The following EVI5 variants were observed in gnomAD, a reference collection of about 807,000 sequenced individuals.
The protein encoded by EVI5 is ecotropic viral integration site 5 protein homolog.
Under a neutral mutation model 112.0 loss-of-function variants are expected in EVI5, and 73 were observed. The ratio of observed to expected loss-of-function variants is 0.65; its 90% CI spans 0.54 to 0.79. EVI5 has a LOEUF of 0.79. Ranked by LOEUF, EVI5 falls within the 30% of genes least tolerant of loss-of-function variation. The probability of loss-of-function intolerance (pLI) is 0.00; values close to 1 mark genes in which losing one functional copy is unlikely to be tolerated. For synonymous variants in EVI5, 305 were observed against 319.9 expected (o/e 0.95, Z 0.50); for missense variants, 900 against 968.8 (o/e 0.93, Z 0.94).
chr1:92,600,401 CTTTG>C (rs1648882302), intron 18 of EVI5, among the ~76,000 whole-genome samples: 1 of 150,044 alleles, frequency 6.7e-6, no homozygotes, highest in Non-Finnish European at 1.5e-5. Context: ...TACAATGTAA[CTTTG>C]TTTTATTAAC....
intron 10 of EVI5, among the ~76,000 whole-genome samples, chr1:92,668,260 G>A (rs559105207): frequency 2.7e-4 from 41 of 152,260 alleles, no homozygotes; most frequent in African/African-American, 9.9e-4. Flanking sequence ...ATGATATACA[G>A]GAAAGTTAAT....
At chr1:92,778,256 G>A (rs149298204) in intron 1 of EVI5, among the ~76,000 whole-genome samples, 21 of 152,154 alleles carry the variant, frequency 1.4e-4, no homozygotes, top group Middle Eastern at 3.4e-3. Flanking sequence ...AGAACAAACC[G>A]GTTTATGCCA....
chr1:92,633,495 C>T (rs879061306), intron 14 of EVI5, among the ~76,000 whole-genome samples: 1 of 151,974 alleles, frequency 6.6e-6, no homozygotes, highest in Non-Finnish European at 1.5e-5. Flanking sequence ...GGATTGCAAC[C>T]CCTGCCTTTT....
intron 18 of EVI5, among the ~76,000 whole-genome samples, chr1:92,574,033 AT>A (rs753975467): frequency 6.6e-6 from 1 of 152,150 alleles, no homozygotes; most frequent in Non-Finnish European, 1.5e-5. Flanking sequence ...TATATAGGTA[AT>A]AGTAAAAAGC....
rs186208439 is a variant in EVI5, at chr1:92,575,090, C to T, written c.2071-11353G>A. Among the ~76,000 whole-genome samples, 282 of 152,268 alleles carry T rather than the reference C, an allele frequency of 1.9e-3. 4 individuals are homozygous for T. The highest frequency in any genetic ancestry group is 0.016 in the Admixed American group (239 of 15,288). On this transcript the variant is annotated intron_variant, in intron 18 of 19. Transcript: ENST00000684568. ...GAGGCAAATATAAAAGCATCGAGTC[C>T]ATTATTTTACAACTTACAAAATTTT...
rs200679678 is a variant in EVI5 at position 92,509,768 on chromosome 1, T to C, written c.*3888A>G. 3.3e-5 allele frequency: 5 copies of C among 152,210 alleles called. No individual in the cohort carries two copies. Among genetic ancestry groups the C allele is most frequent in the African/African-American group, 1.2e-4 (5 of 41,442 alleles). 9.4% of individuals were successfully genotyped at this position (152,210 alleles called of 1,614,324 possible). A position where few individuals can be genotyped will look rare whatever the true frequency, so the allele number is the denominator to read the frequency against. ...ATCACTTGTATCCTCTACTCTCAGC[T>C]TGTCAACCCAGGATGGCAATGACAC... On this transcript the variant is annotated 3_prime_UTR_variant, in exon 20 of 20. Transcript: ENST00000684568.
intron 19 of EVI5, among the ~76,000 whole-genome samples, chr1:92,554,204 T>C (rs538123239): frequency 3.9e-5 from 6 of 152,306 alleles, no homozygotes; most frequent in African/African-American, 1.4e-4. Context: ...TATGAGTAGA[T>C]TTTTACTAAC....
chr1:92,567,631 A>T (rs1669700002), intron 18 of EVI5, among the ~76,000 whole-genome samples: 1 of 152,236 alleles, frequency 6.6e-6, no homozygotes, highest in African/African-American at 2.4e-5. Context: ...CTAGGTGAGT[A>T]GTAGGCTATA....
intron 1 of EVI5, chr1:92,774,177 T>C (rs187179156): frequency 2.0e-5 from 3 of 152,340 alleles, no homozygotes; most frequent in Admixed American, 6.5e-5. Context: ...TCATGACTTA[T>C]CCCCAAAATT....
chr1:92,521,348 A>G (rs928758143), intron 19 of EVI5, among the ~76,000 whole-genome samples: 3 of 152,238 alleles, frequency 2.0e-5, no homozygotes, highest in African/African-American at 7.2e-5. Flanking sequence ...TTAAAAAATT[A>G]AAACCTCCAG....
chr1:92,592,014 C>A (rs1455143017), intron 18 of EVI5, among the ~76,000 whole-genome samples: 19 of 152,162 alleles, frequency 1.2e-4, no homozygotes, highest in Admixed American at 1.2e-3. Context: ...GAGGCCAAGG[C>A]GGGCGGTTCA....
intron 19 of EVI5, among the ~76,000 whole-genome samples, chr1:92,537,557 C>G (rs976425215): frequency 6.6e-6 from 1 of 151,722 alleles, no homozygotes; most frequent in African/African-American, 2.4e-5. Context: ...TTTTCAAAAT[C>G]TAAAATAAAT....
chr1:92,778,076 T>G (rs1684388299), intron 1 of EVI5, among the ~76,000 whole-genome samples: 1 of 151,842 alleles, frequency 6.6e-6, no homozygotes, highest in African/African-American at 2.4e-5. Context: ...GCACAGCTAA[T>G]TTTTGTATTT....
chr1:92,536,312 T>C (rs1396799592), intron 19 of EVI5, among the ~76,000 whole-genome samples: 5 of 152,176 alleles, frequency 3.3e-5, no homozygotes. Flanking sequence ...AAGCGATAAG[T>C]TATTATACAA....
chr1:92,553,762 A>T (rs1219071393), intron 19 of EVI5, among the ~76,000 whole-genome samples: 1 of 152,198 alleles, frequency 6.6e-6, no homozygotes, highest in Non-Finnish European at 1.5e-5. Flanking sequence ...AGTTTTTCCC[A>T]GACTACAGTA....
intron 18 of EVI5, among the ~76,000 whole-genome samples, chr1:92,590,882 A>T (rs1673735098): frequency 6.6e-6 from 1 of 152,262 alleles, no homozygotes; most frequent in African/African-American, 2.4e-5. Flanking sequence ...GGTTACCCAC[A>T]AAGGGAAGCC....
chr1:92,631,576 C>T (rs1424205575), intron 14 of EVI5, among the ~76,000 whole-genome samples: 3 of 152,102 alleles, frequency 2.0e-5, no homozygotes, highest in East Asian at 3.8e-4. Context: ...TAAGGAGATT[C>T]TGGGCTGAGA....
intron 9 of EVI5, among the ~76,000 whole-genome samples, chr1:92,681,468 T>G (rs926281674): frequency 1.3e-5 from 2 of 152,016 alleles, no homozygotes; most frequent in African/African-American, 4.8e-5. Context: ...AACGTAAAAA[T>G]TCATCAAAAA....
chr1:92,725,736 ATCG>A (rs1259372679), intron 2 of EVI5, among the ~76,000 whole-genome samples: 3 of 103,372 alleles, frequency 2.9e-5, no homozygotes, highest in Non-Finnish European at 4.1e-5. Flanking sequence ...AAAAAAAAAA[ATCG>A]GGCATGCAAA....
Sources: gnomAD v4.1 joint callset for allele counts (sites outside exome capture counted in the v4.1 genomes callset) on GRCh38, gnomAD v4.1.1 for gene constraint, MANE v1.5 for transcripts, NCBI Gene and HGNC (gene_info 2026-07-23, HGNC 2026-07-21) for gene names.